Variants in KCNT1 observed in about 807,000 individuals in gnomAD.
KCNT1 encodes the protein potassium channel subfamily T member 1.
In KCNT1, 78 loss-of-function variants were observed where a neutral mutation model predicts 147.8. That is an observed-to-expected ratio of 0.53 (90% CI 0.44 to 0.64). The LOEUF is 0.64. Ranked by LOEUF, KCNT1 falls within the 30% of genes least tolerant of loss-of-function variation. KCNT1 has a pLI of 0.00. For missense variants in KCNT1, 1,419 were observed against 1,750.3 expected (o/e 0.81, Z 3.38); for synonymous variants, 867 against 748.8 (o/e 1.16, Z -2.58).
chr9:135,752,515 A>G lies in KCNT1; in HGVS notation c.435-1422A>G, dbSNP rs1317636868. The G allele has an allele frequency of 2.2e-6, 1 of 449,750 alleles. No individual in the cohort carries two copies. The highest frequency in any genetic ancestry group is 7.1e-5 in the East Asian group (1 of 14,150). 27.9% of individuals were successfully genotyped at this position (449,750 alleles called of 1,614,324 possible). A position where few individuals can be genotyped will look rare whatever the true frequency, so the allele number is the denominator to read the frequency against. On this transcript the variant is annotated intron_variant, in intron 4 of 30. Transcript: ENST00000371757. The surrounding 1 kb of genome is among the most constrained non-coding windows in gnomAD (Gnocchi z 5.1). ...GGGGCTTCTGGTTTCACATCCCCAC[A>G]GGGCCCAAGTCTGTTGTGTTCACTG...
At chr9:135,751,427 G>A (rs532027849) in intron 4 of KCNT1, among the ~76,000 whole-genome samples, 2 of 152,200 alleles carry the variant, frequency 1.3e-5, no homozygotes, top group Admixed American at 1.3e-4. Context: ...GCCCCTACCT[G>A]TTTCTGGGGG....
At chr9:135,729,909 A>G (rs539550790) in intron 2 of KCNT1, among the ~76,000 whole-genome samples, 1 of 152,134 alleles carries the variant, frequency 6.6e-6, no homozygotes, top group East Asian at 1.9e-4. Context: ...CCCCCTGGTC[A>G]CCTCAAGGTG....
chr9:135,745,774 C>T (rs1041668980), intron 2 of KCNT1, among the ~76,000 whole-genome samples: 12 of 152,356 alleles, frequency 7.9e-5, no homozygotes, highest in Admixed American at 3.3e-4. Context: ...GGCAGAGGAG[C>T]GGCAGGGCCC....
intron 11 of KCNT1, among the ~76,000 whole-genome samples, chr9:135,761,145 G>A (rs997657127): frequency 5.3e-4 from 80 of 152,310 alleles, no homozygotes; most frequent in African/African-American, 1.8e-3. Flanking sequence ...TGGGATTACA[G>A]GCGGCTTGGC....
In KCNT1 at chr9:135,751,571, G is replaced by A. The variant is rs142174360; in HGVS notation, c.434+530G>A. ...CCGTCAGGTCCTTACCAGCCTCGCA[G>A]CAGCCGCGATGAGGGTGGGTGGGAA... On this transcript the variant is annotated intron_variant, in intron 4 of 30. Coordinates refer to ENST00000371757, the MANE Select transcript of KCNT1 (RefSeq NM_020822.3). Among the ~76,000 whole-genome samples the A allele has an allele frequency of 3.3e-5, 5 of 152,328 alleles. No individual in the cohort carries two copies. In the East Asian group the frequency reaches 7.7e-4, roughly 24 times the overall value.
At chr9:135,766,469 C>T (rs552896906) in intron 13 of KCNT1, among the ~76,000 whole-genome samples, 1 of 151,512 alleles carries the variant, frequency 6.6e-6, no homozygotes, top group South Asian at 2.1e-4. Context: ...CAGGGGCGGA[C>T]CGTCTGGGGT....
intron 2 of KCNT1, among the ~76,000 whole-genome samples, chr9:135,729,933 C>T (rs78612381): frequency 0.026 from 3,978 of 152,256 alleles, 165 homozygotes; most frequent in African/African-American, 0.091. Context: ...TGTGGCTTTA[C>T]GAGCACCCAG....
At chr9:135,790,441 G>A (rs1004287966) in intron 29 of KCNT1, 1 of 152,336 alleles carries the variant, frequency 6.6e-6, no homozygotes, top group Non-Finnish European at 1.5e-5. Flanking sequence ...CATCCCGCAG[G>A]TGTGGACACA....
intron 29 of KCNT1, among the ~76,000 whole-genome samples, chr9:135,787,626 C>T (rs73557245): frequency 0.038 from 5,752 of 152,242 alleles, 288 homozygotes; most frequent in African/African-American, 0.12. Context: ...CCTGCGGGCC[C>T]GAAGGAGACT....
intron 11 of KCNT1, among the ~76,000 whole-genome samples, chr9:135,760,803 G>A (rs961870287): frequency 1.3e-5 from 2 of 152,232 alleles, no homozygotes; most frequent in African/African-American, 2.4e-5. Context: ...AGATGGGGCC[G>A]TGCGCGTCTT....
intron 2 of KCNT1, among the ~76,000 whole-genome samples, chr9:135,726,850 C>T (rs1350513983): frequency 9.6e-6 from 1 of 103,926 alleles, no homozygotes; most frequent in Non-Finnish European, 2.0e-5. Flanking sequence ...TGTCTCTCTC[C>T]CTCCCTCTCC....
intron 20 of KCNT1, among the ~76,000 whole-genome samples, chr9:135,776,899 T>C (rs989919411): frequency 1.3e-5 from 2 of 152,228 alleles, no homozygotes; most frequent in Admixed American, 6.5e-5. Flanking sequence ...CTTCGCCTGC[T>C]CCAGTCTGGA....
At position 135,768,668 on chromosome 9, in the gene KCNT1, G is replaced by A. The variant is rs1832501333; in HGVS notation, c.1396G>A (p.Ala466Thr). The change falls in exon 14 of 31, where the codon GCT becomes ACT. Residue 466 changes from alanine (A) to threonine (T), a missense_variant. Ala to Thr is a moderately conservative substitution (Grantham distance 58, BLOSUM62 0). Coordinates refer to ENST00000371757, the MANE Select transcript of KCNT1 (RefSeq NM_020822.3). The stretch of plus-strand genomic sequence containing the variant: ...CAGCAGGAACGAGGTGGACCGCACG[G>A]CTGCAGTGAGTGAGGCTGAGGCCCT... The part of the protein sequence containing the change: ...LSSRNEVDRT[A>T]ADHQTILRAW... The A allele has an allele frequency of 4.5e-6, 7 of 1,550,374 alleles. No individual in the cohort carries two copies. The highest frequency in any genetic ancestry group is 6.1e-6 in the Non-Finnish European group (7 of 1,146,798).
Position 135,784,594 on chromosome 9 carries a change from G to A in KCNT1, c.3003G>A (p.Thr1001=), listed in dbSNP as rs560435329. Residue 1001 remains threonine, a synonymous_variant, in exon 26 of 31, where the codon ACG becomes ACA. Coordinates refer to ENST00000371757, the MANE Select transcript of KCNT1 (RefSeq NM_020822.3). ...ITRLLLGLDT[T]PGSGYLCAMK... ...GGCTGCTGCTGGGCCTGGACACCACGCCGGGCTCGGGGTACCTCTGTGCCG... is the reference window on the plus strand; with the variant it reads ...GGCTGCTGCTGGGCCTGGACACCACACCGGGCTCGGGGTACCTCTGTGCCG... 68 of 1,596,184 alleles carry A rather than the reference G, an allele frequency of 4.3e-5. 1 individual carries two copies. The East Asian group carries it at 1.4e-3, about 32-fold the overall frequency.
intron 2 of KCNT1, among the ~76,000 whole-genome samples, chr9:135,726,760 CCT>C (rs1231324508): frequency 5.1e-5 from 5 of 98,416 alleles, no homozygotes; most frequent in Non-Finnish European, 1.1e-4. Context: ...TCCCTCTCTC[CCT>C]CTCTCTCTCT....
At chr9:135,722,973 T>A (rs924211874) in intron 2 of KCNT1, among the ~76,000 whole-genome samples, 1 of 152,214 alleles carries the variant, frequency 6.6e-6, no homozygotes, top group Non-Finnish European at 1.5e-5. Flanking sequence ...TCCGGGGGAT[T>A]AAGTTGCCCC....
chr9:135,761,287 G>T (rs1831895608), intron 11 of KCNT1, among the ~76,000 whole-genome samples: 1 of 152,144 alleles, frequency 6.6e-6, no homozygotes, highest in Non-Finnish European at 1.5e-5. Flanking sequence ...CACCTGGAGG[G>T]TTTCACCCAC....
chr9:135,742,911 C>A (rs1830638960), intron 2 of KCNT1: 1 of 694,092 alleles, frequency 1.4e-6, no homozygotes, highest in African/African-American at 1.8e-5. Flanking sequence ...AACCCAGCAT[C>A]CCCTGCAGCT....
intron 20 of KCNT1, among the ~76,000 whole-genome samples, chr9:135,775,736 A>C (rs747679019): frequency 6.6e-6 from 1 of 151,416 alleles, no homozygotes; most frequent in Non-Finnish European, 1.5e-5. Flanking sequence ...ATCAAGAACC[A>C]TCTCGTAACT....
Sources: allele counts gnomAD v4.1 joint callset (sites outside exome capture counted in the v4.1 genomes callset), GRCh38; gene constraint gnomAD v4.1.1; non-coding constraint Gnocchi (gnomAD v3.1); transcripts MANE v1.5; gene names NCBI Gene and HGNC (gene_info 2026-07-23, HGNC 2026-07-21).